PAK2: variants seen among roughly 807,000 people sequenced by gnomAD.
PAK2 encodes the protein p21 (RAC1) activated kinase 2.
PAK2 carries 21 observed loss-of-function variants against 65.9 expected under a neutral mutation model. The ratio of observed to expected loss-of-function variants is 0.32; its 90% CI spans 0.23 to 0.46. The LOEUF (loss-of-function observed/expected upper bound fraction) is 0.46. Among genes scored for constraint, PAK2 ranks in the 20% least tolerant of loss-of-function variants. The pLI is 1.00. For synonymous variants in PAK2, 204 were observed against 219.7 expected (o/e 0.93, Z 0.63); for missense variants, 324 against 642.6 (o/e 0.50, Z 5.36).
intron 7 of PAK2, among the ~76,000 whole-genome samples, chr3:196,809,510 ATTTTTGTAG>A (rs1715705237): frequency 6.6e-6 from 1 of 150,780 alleles, no homozygotes; most frequent in African/African-American, 2.4e-5. Context: ...CACCCCGCTA[ATTTTTGTAG>A]TTTTAGTAGA....
intron 8 of PAK2, among the ~76,000 whole-genome samples, chr3:196,811,238 CCTT>C (rs1715789522): frequency 2.6e-5 from 1 of 38,662 alleles, no homozygotes; most frequent in Non-Finnish European, 5.9e-5. Flanking sequence ...CCCTTCCCTT[CCTT>C]CCCTCCCTCC....
At chr3:196,812,906 A>T in intron 10 of PAK2, 55 bp downstream of exon 10, 1 of 800,076 alleles carries the variant, frequency 1.2e-6, no homozygotes, top group Non-Finnish European at 2.1e-6. Flanking sequence ...TTTAAGTCTC[A>T]TGGTTTCGGG....
intron 1 of PAK2, among the ~76,000 whole-genome samples, chr3:196,754,734 T>C (rs952051001): frequency 1.3e-5 from 2 of 152,198 alleles, no homozygotes; most frequent in African/African-American, 4.8e-5. Flanking sequence ...GCTGGAACCT[T>C]ACCTGCACAC....
At chr3:196,756,713 G>T (rs554438543) in intron 1 of PAK2, among the ~76,000 whole-genome samples, 1 of 152,300 alleles carries the variant, frequency 6.6e-6, no homozygotes, top group East Asian at 1.9e-4. Context: ...GCACGCGCCT[G>T]TAGTCCCAGC....
chr3:196,825,865 C>CA (rs1394771742), intron 13 of PAK2, among the ~76,000 whole-genome samples: 1 of 152,056 alleles, frequency 6.6e-6, no homozygotes, highest in Non-Finnish European at 1.5e-5. Flanking sequence ...ATTTTTGAGA[C>CA]AGAGTCTTGC....
intron 2 of PAK2, among the ~76,000 whole-genome samples, chr3:196,785,343 T>C (rs1714851983): frequency 6.6e-6 from 1 of 152,180 alleles, no homozygotes; most frequent in Admixed American, 6.5e-5. Flanking sequence ...TTCAGAGATG[T>C]ATATTTAGGA....
intron 1 of PAK2, among the ~76,000 whole-genome samples, chr3:196,761,776 G>A (rs1322556721): frequency 3.9e-3 from 565 of 144,258 alleles, no homozygotes; most frequent in African/African-American, 0.014. Flanking sequence ...GCGGCTGGCC[G>A]GGCGGGGGGC....
At chr3:196,807,224 G>A (rs1715615204) in intron 6 of PAK2, among the ~76,000 whole-genome samples, 1 of 152,138 alleles carries the variant, frequency 6.6e-6, no homozygotes, top group Admixed American at 6.6e-5. Flanking sequence ...AGAGTGTGCG[G>A]AAGGTGCTGT....
chr3:196,811,746 A>G (rs759232566), intron 8 of PAK2, among the ~76,000 whole-genome samples: 1 of 152,218 alleles, frequency 6.6e-6, no homozygotes, highest in South Asian at 2.1e-4. Context: ...TAAAAATTAG[A>G]CAAAGTATAT....
chr3:196,745,282 ATTTTTTTT>A (rs34194625), intron 1 of PAK2, among the ~76,000 whole-genome samples: 45 of 92,776 alleles, frequency 4.9e-4, no homozygotes, highest in Non-Finnish European at 8.3e-4. Context: ...CACCCAACTG[ATTTTTTTT>A]TTTTTTTTTT....
chr3:196,767,369 A>G (rs1714204015), intron 1 of PAK2, among the ~76,000 whole-genome samples: 1 of 152,122 alleles, frequency 6.6e-6, no homozygotes, highest in African/African-American at 2.4e-5. Flanking sequence ...ATGACTTGAA[A>G]ATTGTAGATT....
chr3:196,796,335 T>G (rs1178181491), intron 2 of PAK2, among the ~76,000 whole-genome samples: 1 of 152,244 alleles, frequency 6.6e-6, no homozygotes, highest in Non-Finnish European at 1.5e-5. Context: ...CGCAAAAGAC[T>G]GCATATTGTT....
At position 196,797,262 on chromosome 3, in the gene PAK2, C is replaced by G. The variant is rs576236858; in HGVS notation, c.188-4665C>G. Among the ~76,000 whole-genome samples, 4 of 151,920 alleles carry G rather than the reference C, an allele frequency of 2.6e-5. No homozygotes were observed. The South Asian group carries it at 8.3e-4, about 31-fold the overall frequency. On this transcript the variant is annotated intron_variant, in intron 2 of 14. Transcript: ENST00000327134. ...GGCAGATCACTTGAGGTCAGGAGTT[C>G]GAGACCGGCCTGGCCAACATGGTGA...
At chr3:196,799,018 A>G (rs998424582) in intron 2 of PAK2, among the ~76,000 whole-genome samples, 9 of 152,206 alleles carry the variant, frequency 5.9e-5, no homozygotes, top group Non-Finnish European at 8.8e-5. Flanking sequence ...TTATTCAACA[A>G]TGTACTGAAG....
chr3:196,757,673 T>A (rs1440012690), intron 1 of PAK2, among the ~76,000 whole-genome samples: 1 of 152,186 alleles, frequency 6.6e-6, no homozygotes, highest in East Asian at 1.9e-4. Context: ...TCAGCCTAGT[T>A]TTATTTCCCA....
rs190412803 is a variant in PAK2, at chr3:196,776,971, A to G, written c.-21-5655A>G. 1.9e-3 allele frequency among the ~76,000 whole-genome samples: 283 copies of G among 152,248 alleles called. 1 individual carries two copies. Among genetic ancestry groups the G allele is most frequent in the Admixed American group, 3.9e-3 (60 of 15,290 alleles). ...GCGTAAGACAAGATTTTTTTCGTAAATTTCAGCTAAAACAACTCAGCACAA... is the reference window on the plus strand; with the variant it reads ...GCGTAAGACAAGATTTTTTTCGTAAGTTTCAGCTAAAACAACTCAGCACAA... On this transcript the variant is annotated intron_variant, in intron 1 of 14. Transcript: ENST00000327134.
chr3:196,810,767 T>TG, intron 8 of PAK2, 114 bp downstream of exon 8: 2 of 628,726 alleles, frequency 3.2e-6, no homozygotes. Context: ...ATTCTGTGAG[T>TG]GGTACCCTTG....
At chr3:196,756,371 ACT>A (rs1428188322) in intron 1 of PAK2, among the ~76,000 whole-genome samples, 1 of 151,704 alleles carries the variant, frequency 6.6e-6, no homozygotes, top group Non-Finnish European at 1.5e-5. Context: ...TTGCCTAATT[ACT>A]CTCATCTAAA....
chr3:196,754,281 G>A (rs1223163360), intron 1 of PAK2, among the ~76,000 whole-genome samples: 2 of 152,074 alleles, frequency 1.3e-5, no homozygotes, highest in Admixed American at 1.3e-4. Context: ...GTTTTCTTTT[G>A]CTATTAGGAT....
Sources: allele counts gnomAD v4.1 joint callset (sites outside exome capture counted in the v4.1 genomes callset), GRCh38; gene constraint gnomAD v4.1.1; transcripts MANE v1.5; gene names NCBI Gene and HGNC (gene_info 2026-07-23, HGNC 2026-07-21).